LRRC75A: variants seen among roughly 807,000 people sequenced by gnomAD.
LRRC75A encodes leucine rich repeat containing 75A.
LRRC75A carries 12 observed loss-of-function variants against 26.0 expected under a neutral mutation model. The ratio of observed to expected loss-of-function variants is 0.46; its 90% CI spans 0.30 to 0.75. The LOEUF is 0.75. Among genes scored for constraint, LRRC75A ranks in the 30% least tolerant of loss-of-function variants. The probability of loss-of-function intolerance (pLI) is 0.08; values close to 1 mark genes in which losing one functional copy is unlikely to be tolerated. For missense variants in LRRC75A, 410 were observed against 486.6 expected, an observed-to-expected ratio of 0.84 and a Z score of 1.48; for synonymous variants, 223 against 219.3, an observed-to-expected ratio of 1.02 and a Z score of -0.15.
chr17:16,459,972 A>G (rs775268574), intron 2 of LRRC75A, among the ~76,000 whole-genome samples: 16 of 152,208 alleles, frequency 1.1e-4, no homozygotes, highest in Non-Finnish European at 2.2e-4. Context: ...AGGTTACACC[A>G]TGCAATGGAC....
chr17:16,491,804 G>T lies in LRRC75A; in HGVS notation c.187C>A (p.Arg63=). Residue 63 remains arginine (R), a synonymous_variant, in exon 1 of 4, where the codon CGG becomes AGG. Transcript: ENST00000470794. The surrounding 1 kb of genome is among the most constrained non-coding windows in gnomAD (Gnocchi z 5.9). ...RRVGMVQELL[R]MVRQGRREEA... is the part of the protein sequence containing the mutation. Reference sequence around the variant, plus strand: ...TCCCGCCGGCCCTGGCGCACCATCCGCAGCAGCTCCTGGACCATGCCGACT... The same window carrying T: ...TCCCGCCGGCCCTGGCGCACCATCCTCAGCAGCTCCTGGACCATGCCGACT... 2.8e-6 allele frequency: 4 copies of T among 1,435,968 alleles called. No homozygotes were observed. The highest frequency in any genetic ancestry group is 3.7e-6 in the Non-Finnish European group (4 of 1,095,804). The allele number at this position is 1,435,968 out of a possible 1,614,324, so 89.0% of individuals were successfully genotyped here.
At position 16,489,554 on chromosome 17, in the gene LRRC75A, A is replaced by C. The variant is rs1409361206; in HGVS notation, c.246+2191T>G. The stretch of plus-strand genomic sequence containing the variant: ...AATGGAAAGGAAAATGCAATTTTGG[A>C]GAAAGAGCCACTTCAGTGCACAGCA... On this transcript the variant is annotated intron_variant, in intron 1 of 3. Transcript: ENST00000470794. 2.3e-4 allele frequency among the ~76,000 whole-genome samples: 35 copies of C among 152,250 alleles called. 1 individual carries two copies. The highest frequency in any genetic ancestry group is 1.5e-5 in the Non-Finnish European group (1 of 68,042).
chr17:16,480,896 C>T (rs1477145856), intron 1 of LRRC75A, among the ~76,000 whole-genome samples: 1 of 152,204 alleles, frequency 6.6e-6, no homozygotes, highest in African/African-American at 2.4e-5. Context: ...GCATCACTTC[C>T]AGTACTTCTC....
intron 1 of LRRC75A, among the ~76,000 whole-genome samples, chr17:16,485,900 G>C (rs2093846169): frequency 6.6e-6 from 1 of 152,130 alleles, no homozygotes; most frequent in Non-Finnish European, 1.5e-5. Context: ...CTCCCCTGCA[G>C]ACAGGGAGTG....
At chr17:16,455,741 G>T (rs75250708) in intron 2 of LRRC75A, among the ~76,000 whole-genome samples, 130 of 152,312 alleles carry the variant, frequency 8.5e-4, no homozygotes, top group Admixed American at 1.2e-3. Context: ...GAGGCAAAAA[G>T]AACTTAAATA....
rs34982046 is a variant in LRRC75A, at chr17:16,462,015, C to T, written c.375+243G>A. Among the ~76,000 whole-genome samples the T allele has an allele frequency of 0.19, 29,417 of 152,162 alleles. 3,520 individuals are homozygous for T. The highest frequency in any genetic ancestry group is 0.29 in the Middle Eastern group (85 of 294). ...CCAGTTTTTCAAGGGCAGCTGAATA[C>T]AGGGATCATGTGAAAAATTCTGGTT... is the stretch of plus-strand genomic sequence containing the variant. On this transcript the variant is annotated intron_variant, in intron 2 of 3. Coordinates refer to ENST00000470794, the MANE Select transcript of LRRC75A (RefSeq NM_001113567.3). The surrounding 1 kb of genome is among the most constrained non-coding windows in gnomAD (Gnocchi z 4.6).
intron 2 of LRRC75A, among the ~76,000 whole-genome samples, chr17:16,452,048 G>A (rs544389890): frequency 2.8e-4 from 42 of 152,030 alleles, no homozygotes; most frequent in Admixed American, 7.2e-4. Flanking sequence ...GAATCTCAGG[G>A]GAGCTTTAAA....
At chr17:16,452,558 C>T (rs149744970) in intron 2 of LRRC75A, among the ~76,000 whole-genome samples, 1 of 151,986 alleles carries the variant, frequency 6.6e-6, no homozygotes, top group Non-Finnish European at 1.5e-5. Context: ...CTGCTTCAGC[C>T]TCCCAAGTAG....
At position 16,442,153 on chromosome 17, in the gene LRRC75A, T is replaced by G. The variant is rs2093533839; in HGVS notation, c.*1435A>C. The G allele has an allele frequency of 6.6e-6, 1 of 152,330 alleles. No individual in the cohort carries two copies. The highest frequency in any genetic ancestry group is 6.5e-5 in the Admixed American group (1 of 15,290). 9.4% of individuals were successfully genotyped at this position (152,330 alleles called of 1,614,324 possible). ...CTCTTAACCCCCTATTCTACAGCTT[T>G]AGACTGAAGGCAAAAGCTCAAAGCA... On this transcript the variant is annotated 3_prime_UTR_variant, in exon 4 of 4. Transcript: ENST00000470794.
chr17:16,489,722 G>A lies in LRRC75A; in HGVS notation c.246+2023C>T, dbSNP rs373397235. Among the ~76,000 whole-genome samples, 7 of 152,268 alleles carry A rather than the reference G, an allele frequency of 4.6e-5. No homozygotes were observed. In the East Asian group the frequency reaches 7.7e-4, roughly 17 times the overall value. The stretch of plus-strand genomic sequence containing the variant: ...TTTCGGGAGGGGTCCTGCTCCATCC[G>A]TTCCAGGCCACACAGGGCAGCTCCA... On this transcript the variant is annotated intron_variant, in intron 1 of 3. Transcript: ENST00000470794.
chr17:16,475,608 G>A (rs1304140466), intron 1 of LRRC75A, among the ~76,000 whole-genome samples: 1 of 152,168 alleles, frequency 6.6e-6, no homozygotes, highest in Non-Finnish European at 1.5e-5. Flanking sequence ...CTACAGTGTG[G>A]TGGTGTGATC....
chr17:16,463,092 A>C (rs1190821672), intron 1 of LRRC75A: 1 of 152,252 alleles, frequency 6.6e-6, no homozygotes, highest in Admixed American at 6.5e-5. Flanking sequence ...ACCACCCCAG[A>C]ATATGGTACC....
chr17:16,486,698 T>A (rs951001653), intron 1 of LRRC75A, among the ~76,000 whole-genome samples: 1 of 152,138 alleles, frequency 6.6e-6, no homozygotes. Flanking sequence ...CCACAGAGCC[T>A]GGGCACCATG....
intron 2 of LRRC75A, among the ~76,000 whole-genome samples, chr17:16,456,830 C>T (rs2093689432): frequency 6.6e-6 from 1 of 152,234 alleles, no homozygotes; most frequent in African/African-American, 2.4e-5. Context: ...CAGCAGAATC[C>T]TAACCCGCCC....
intron 2 of LRRC75A, among the ~76,000 whole-genome samples, chr17:16,452,669 C>T (rs555986847): frequency 2.0e-5 from 3 of 151,940 alleles, no homozygotes; most frequent in South Asian, 2.1e-4. Flanking sequence ...CTCCTGACCT[C>T]GTGATCTGCC....
intron 1 of LRRC75A, among the ~76,000 whole-genome samples, chr17:16,475,314 G>A (rs1433252652): frequency 6.6e-6 from 1 of 152,206 alleles, no homozygotes; most frequent in African/African-American, 2.4e-5. Flanking sequence ...TAAGATGTGT[G>A]TGTGTGTGGA....
chr17:16,491,189 TAGTC>T lies in LRRC75A; in HGVS notation c.246+552_246+555del, dbSNP rs1264990746. The stretch of plus-strand genomic sequence containing the variant: ...CTCATGGTTGAGGATCTGCTGAAGT[TAGTC>T]AGGGGAGAGGAAACAGTCTCCTCCT... On this transcript the variant is annotated intron_variant, in intron 1 of 3. Coordinates refer to ENST00000470794, the MANE Select transcript of LRRC75A (RefSeq NM_001113567.3). The surrounding 1 kb of genome is among the most constrained non-coding windows in gnomAD (Gnocchi z 5.9). 1.3e-5 allele frequency among the ~76,000 whole-genome samples: 2 copies of T among 152,112 alleles called. No homozygotes were observed. The highest frequency in any genetic ancestry group is 4.8e-5 in the African/African-American group (2 of 41,364).
chr17:16,479,114 C>T (rs1005092347), intron 1 of LRRC75A, among the ~76,000 whole-genome samples: 15 of 152,220 alleles, frequency 9.9e-5, no homozygotes, highest in African/African-American at 3.4e-4. Flanking sequence ...GCCCTCGGTG[C>T]CCCTGACTGG....
chr17:16,441,807 C>T lies in LRRC75A; in HGVS notation c.*1781G>A, dbSNP rs11335. On this transcript the variant is annotated 3_prime_UTR_variant, in exon 4 of 4. Coordinates refer to ENST00000470794, the MANE Select transcript of LRRC75A (RefSeq NM_001113567.3). ...CTGGGCTCAGATGGTCCTCCTGCCT[C>T]AGCTTCCAAAGGCACAGGCCAAGTT... 2.8e-3 allele frequency: 504 copies of T among 181,168 alleles called. 2 individuals carry two copies. Among genetic ancestry groups the T allele is most frequent in the African/African-American group, 0.011 (465 of 42,044 alleles). The allele number at this position is 181,168 out of a possible 1,614,324, so 11.2% of individuals were successfully genotyped here. A position where few individuals can be genotyped will look rare whatever the true frequency, so the allele number is the denominator to read the frequency against.
Sources: allele counts gnomAD v4.1 joint callset (sites outside exome capture counted in the v4.1 genomes callset), GRCh38; gene constraint gnomAD v4.1.1; non-coding constraint Gnocchi (gnomAD v3.1); transcripts MANE v1.5; gene names NCBI Gene and HGNC (gene_info 2026-07-23, HGNC 2026-07-21).